The following TWIST2 variants were observed in gnomAD, a reference collection of about 807,000 sequenced individuals.
TWIST2 encodes twist-related protein 2.
Under a neutral mutation model 11.6 loss-of-function variants are expected in TWIST2, and 1 was observed. That is an observed-to-expected ratio of 0.09 (90% CI 0.03 to 0.41). The LOEUF is 0.41. TWIST2 is among the 10% of genes least tolerant of loss of function. The pLI, the probability that TWIST2 is intolerant of heterozygous loss-of-function variation, is 0.98. For synonymous variants in TWIST2, 87 were observed against 96.6 expected (o/e 0.90, Z 0.58); for missense variants, 168 against 226.4 (o/e 0.74, Z 1.66).
At chr2:238,885,314 ATGCTGCCCGACT>A in intron 1 of TWIST2, among the ~76,000 whole-genome samples, 2 of 152,226 alleles carry the variant, frequency 1.3e-5, no homozygotes, top group Admixed American at 6.5e-5. Flanking sequence ...CAAAGCCGTC[ATGCTGCCCGACT>A]CAGCTTGCTT....
intron 1 of TWIST2, among the ~76,000 whole-genome samples, chr2:238,886,422 G>A (rs894112012): frequency 4.6e-5 from 7 of 151,982 alleles, no homozygotes; most frequent in South Asian, 2.1e-4. Flanking sequence ...CTGGTCCCTC[G>A]TACACAGTAT....
chr2:238,870,139 ACC>A (rs1491578741), intron 1 of TWIST2, among the ~76,000 whole-genome samples: 3 of 138,290 alleles, frequency 2.2e-5, no homozygotes, highest in African/African-American at 8.7e-5. Flanking sequence ...CACACACCAC[ACC>A]CCATACACAC....
At chr2:238,901,574 C>G (rs964096192) in intron 1 of TWIST2, among the ~76,000 whole-genome samples, 1 of 152,138 alleles carries the variant, frequency 6.6e-6, no homozygotes, top group African/African-American at 2.4e-5. Context: ...TGGGGTATCT[C>G]CTTGTCTGTT....
intron 1 of TWIST2, among the ~76,000 whole-genome samples, chr2:238,858,300 G>A (rs1692366298): frequency 6.6e-6 from 1 of 152,182 alleles, no homozygotes; most frequent in Non-Finnish European, 1.5e-5. Flanking sequence ...GACTATACAT[G>A]ATCGGTGTGA....
chr2:238,877,268 A>T (rs1160751289), intron 1 of TWIST2, among the ~76,000 whole-genome samples: 2 of 152,182 alleles, frequency 1.3e-5, no homozygotes, highest in Non-Finnish European at 2.9e-5. Context: ...TCTCGCCAGT[A>T]TACTGTTTTG....
intron 1 of TWIST2, among the ~76,000 whole-genome samples, chr2:238,899,604 G>A (rs1467583819): frequency 6.6e-6 from 1 of 152,172 alleles, no homozygotes; most frequent in Non-Finnish European, 1.5e-5. Context: ...CCTTGGAATT[G>A]CACACACCCC....
chr2:238,859,528 G>A (rs150813626), intron 1 of TWIST2, among the ~76,000 whole-genome samples: 29,127 of 150,962 alleles, frequency 0.19, 3,040 homozygotes, highest in East Asian at 0.37. Flanking sequence ...TGCTTTAAAA[G>A]CTCAAATGAT....
intron 1 of TWIST2, among the ~76,000 whole-genome samples, chr2:238,865,297 C>G (rs1052998661): frequency 6.6e-5 from 10 of 152,298 alleles, no homozygotes; most frequent in Admixed American, 6.5e-4. Flanking sequence ...TGGCCCCATC[C>G]TACTGAGTCG....
At chr2:238,904,283 G>T (rs1693315077) in intron 1 of TWIST2, among the ~76,000 whole-genome samples, 1 of 144,598 alleles carries the variant, frequency 6.9e-6, no homozygotes, top group Admixed American at 6.9e-5. Flanking sequence ...GTTTGATGTA[G>T]TGTGTGTGTG....
At chr2:238,856,052 A>G (rs1359224625) in intron 1 of TWIST2, among the ~76,000 whole-genome samples, 1 of 152,022 alleles carries the variant, frequency 6.6e-6, no homozygotes, top group African/African-American at 2.4e-5. Context: ...ACGATCCCCA[A>G]ACTCCCTGGG....
intron 1 of TWIST2, among the ~76,000 whole-genome samples, chr2:238,858,673 T>C (rs1399621616): frequency 1.3e-5 from 2 of 152,168 alleles, no homozygotes; most frequent in East Asian, 3.9e-4. Context: ...GTCTGTAAAA[T>C]AATGGACTAA....
intron 1 of TWIST2, among the ~76,000 whole-genome samples, chr2:238,886,623 C>T (rs1054334107): frequency 2.6e-5 from 4 of 151,864 alleles, no homozygotes; most frequent in African/African-American, 4.8e-5. Flanking sequence ...GTGCTTATCT[C>T]GGTGAGTGAT....
rs1016179549 is a variant in TWIST2, at chr2:238,867,630, G to A, written c.*35+18897G>A. The stretch of plus-strand genomic sequence containing the variant: ...AGGAGCTGTCAGCAAGCAGGCGTCC[G>A]AAGATTGAGATCACAGAGGGGTGGC... On this transcript the variant is annotated intron_variant, in intron 1 of 1. Transcript: ENST00000612363. This position sits in a 1 kb window ranked among gnomAD's most constrained non-coding sequence, Gnocchi z 4.8. Among the ~76,000 whole-genome samples the A allele has an allele frequency of 1.3e-5, 2 of 152,272 alleles. No homozygotes were observed. Among genetic ancestry groups the A allele is most frequent in the African/African-American group, 2.4e-5 (1 of 41,560 alleles).
chr2:238,880,233 A>AGTG (rs1559278303), intron 1 of TWIST2, among the ~76,000 whole-genome samples: 268 of 119,086 alleles, frequency 2.3e-3, no homozygotes, highest in East Asian at 0.014. Context: ...GTTAGTATTT[A>AGTG]TTAGTATTAG....
At chr2:238,854,581 A>G (rs1302011568) in intron 1 of TWIST2, among the ~76,000 whole-genome samples, 1 of 152,124 alleles carries the variant, frequency 6.6e-6, no homozygotes, top group Non-Finnish European at 1.5e-5. Flanking sequence ...AGGGTTAGAG[A>G]TCCTTTTGCT....
At chr2:238,897,163 G>C (rs924417266) in intron 1 of TWIST2, among the ~76,000 whole-genome samples, 2 of 152,168 alleles carry the variant, frequency 1.3e-5, no homozygotes, top group South Asian at 4.2e-4. Context: ...CGCCCCCTTT[G>C]AAAGTCGCTG....
chr2:238,891,669 G>A lies in TWIST2; in HGVS notation c.*36-18173G>A, dbSNP rs192013647. Among the ~76,000 whole-genome samples, 32 of 152,294 alleles carry A rather than the reference G, an allele frequency of 2.1e-4. No homozygotes were observed. The East Asian group carries it at 5.6e-3, about 27-fold the overall frequency. ...GGTGGGGGCCTTGAGACAAGAAAGC[G>A]AGAAGGTTCGAGGGTCATCCTTGGC... On this transcript the variant is annotated intron_variant, in intron 1 of 1. Transcript: ENST00000612363.
At chr2:238,906,053 C>G (rs1306296751) in intron 1 of TWIST2, among the ~76,000 whole-genome samples, 1 of 152,122 alleles carries the variant, frequency 6.6e-6, no homozygotes, top group African/African-American at 2.4e-5. Context: ...TACGTCTTGG[C>G]TTTTTCAGAC....
At position 238,880,924 on chromosome 2, in the gene TWIST2, TGTTA is replaced by T. The variant is rs536437141; in HGVS notation, c.*36-28915_*36-28912del. ...TTATTAGTGTTAGTGTCAGTATTAG[TGTTA>T]GTATTTATTTGTGTTAGCATTAGTA... On this transcript the variant is annotated intron_variant, in intron 1 of 1. Coordinates refer to ENST00000612363, the MANE Select transcript of TWIST2 (RefSeq NM_001271893.4). Among the ~76,000 whole-genome samples the T allele has an allele frequency of 1.1e-3, 110 of 100,158 alleles. 7 individuals carry two copies. The highest frequency in any genetic ancestry group is 1.9e-3 in the Non-Finnish European group (93 of 49,544). 65.7% of individuals were successfully genotyped at this position (100,158 alleles called of 152,430 possible).
Sources: gnomAD v4.1 joint callset for allele counts (sites outside exome capture counted in the v4.1 genomes callset) on GRCh38, gnomAD v4.1.1 for gene constraint, Gnocchi (gnomAD v3.1) non-coding constraint, MANE v1.5 for transcripts, NCBI Gene and HGNC (gene_info 2026-07-23, HGNC 2026-07-21) for gene names.